TYW1B: variants seen among roughly 807,000 people sequenced by gnomAD.
TYW1B encodes tRNA-yW synthesizing protein 1 homolog B.
In TYW1B, 73 loss-of-function variants were observed where a neutral mutation model predicts 86.9. That is an observed-to-expected ratio of 0.84 (90% CI 0.70 to 1.02). TYW1B has a LOEUF of 1.02. Among genes scored for constraint, TYW1B ranks in the 50% least tolerant of loss-of-function variants. The pLI, the probability that TYW1B is intolerant of heterozygous loss-of-function variation, is 0.00. For synonymous variants in TYW1B, 248 were observed against 292.8 expected (o/e 0.85, Z 1.56); for missense variants, 637 against 827.4 (o/e 0.77, Z 2.82).
In TYW1B at chr7:72,700,155, C is replaced by CTTTTTTT. The variant is rs587689485; in HGVS notation, c.1371-5340_1371-5334dup. Among the ~76,000 whole-genome samples the CTTTTTTT allele has an allele frequency of 3.4e-4, 25 of 74,248 alleles. 2 individuals are homozygous for CTTTTTTT. The highest frequency in any genetic ancestry group is 1.3e-3 in the East Asian group (2 of 1,586). The allele number at this position is 74,248 out of a possible 152,430, so 48.7% of individuals were successfully genotyped here. ...TATCAATACATAAAGAGCTTTTACA[C>CTTTTTTT]TTTTTTTTTTTTTTTTTTTTTTTTT... On this transcript the variant is annotated intron_variant, in intron 10 of 13. Coordinates refer to ENST00000620995, the MANE Select transcript of TYW1B (RefSeq NM_001145440.3).
chr7:72,789,107 A>C (rs1172551149), intron 6 of TYW1B, among the ~76,000 whole-genome samples: 2 of 151,942 alleles, frequency 1.3e-5, no homozygotes, highest in Non-Finnish European at 2.9e-5. Context: ...CTGAGATTAC[A>C]GGAATGAGCC....
At chr7:72,777,712 T>A (rs1257408380) in intron 6 of TYW1B, among the ~76,000 whole-genome samples, 179 bp from the exon 7 acceptor site, 1 of 152,092 alleles carries the variant, frequency 6.6e-6, no homozygotes, top group Admixed American at 6.6e-5. Context: ...GGTCAGGAGA[T>A]CGAGACCAGC....
At chr7:72,585,864 T>C (rs1433000008) in intron 13 of TYW1B, among the ~76,000 whole-genome samples, 8 of 152,146 alleles carry the variant, frequency 5.3e-5, no homozygotes, top group African/African-American at 1.2e-4. Flanking sequence ...CACACTACTA[T>C]AGGCAAGGCA....
rs544556278 is a variant in TYW1B at position 72,644,889 on chromosome 7, G to A, written c.1507-15892C>T. ...GTTACCCAGGCTGGAGTGCAGTGCC[G>A]CGATCTCGGCTCACTGCAACCTCTG... On this transcript the variant is annotated intron_variant, in intron 11 of 13. Coordinates refer to ENST00000620995, the MANE Select transcript of TYW1B (RefSeq NM_001145440.3). 8.5e-5 allele frequency among the ~76,000 whole-genome samples: 12 copies of A among 141,702 alleles called. No individual in the cohort carries two copies. The South Asian group carries it at 9.0e-4, about 11-fold the overall frequency. The allele number at this position is 141,702 out of a possible 152,430, so 93.0% of individuals were successfully genotyped here. A position where few individuals can be genotyped will look rare whatever the true frequency, so the allele number is the denominator to read the frequency against.
chr7:72,653,304 C>A (rs545722698), intron 11 of TYW1B, among the ~76,000 whole-genome samples: 1 of 152,100 alleles, frequency 6.6e-6, no homozygotes, highest in African/African-American at 2.4e-5. Context: ...ACACAAATTA[C>A]CAATATCAAA....
At chr7:72,697,274 C>A (rs2960963) in intron 10 of TYW1B, among the ~76,000 whole-genome samples, 1 of 152,016 alleles carries the variant, frequency 6.6e-6, no homozygotes, top group African/African-American at 2.4e-5. Flanking sequence ...GATACTACTA[C>A]TAAGGAATTC....
intron 13 of TYW1B, among the ~76,000 whole-genome samples, chr7:72,606,238 A>T (rs1811793958): frequency 6.6e-6 from 1 of 152,138 alleles, no homozygotes; most frequent in South Asian, 2.1e-4. Context: ...CTCTCTTAGG[A>T]CAGCAGGAAC....
chr7:72,664,606 G>A (rs183113904), intron 11 of TYW1B, among the ~76,000 whole-genome samples: 1 of 152,268 alleles, frequency 6.6e-6, no homozygotes, highest in African/African-American at 2.4e-5. Context: ...ATCACAGAGT[G>A]GAGAATGGGA....
rs535543817 is a variant in TYW1B, at chr7:72,729,965, G to A, written c.1083-1034C>T. Among the ~76,000 whole-genome samples the A allele has an allele frequency of 3.9e-5, 6 of 152,228 alleles. No individual in the cohort carries two copies. The South Asian group carries it at 8.3e-4, about 21-fold the overall frequency. On this transcript the variant is annotated intron_variant, in intron 8 of 13. Coordinates refer to ENST00000620995, the MANE Select transcript of TYW1B (RefSeq NM_001145440.3). Reference sequence around the variant, plus strand: ...GGCACTCACAGGAACCACAGGCACCGATTATGGCCAAAGAAATCACATGTA... The same window carrying A: ...GGCACTCACAGGAACCACAGGCACCAATTATGGCCAAAGAAATCACATGTA...
At chr7:72,629,397 G>C (rs139566544) in intron 11 of TYW1B, among the ~76,000 whole-genome samples, 1 of 152,294 alleles carries the variant, frequency 6.6e-6, no homozygotes, top group African/African-American at 2.4e-5. Flanking sequence ...TTAGTGACAA[G>C]AATTGTTAGC....
intron 11 of TYW1B, among the ~76,000 whole-genome samples, chr7:72,651,221 A>C (rs1443676616): frequency 6.6e-6 from 1 of 152,198 alleles, no homozygotes; most frequent in Non-Finnish European, 1.5e-5. Flanking sequence ...AACCATTACA[A>C]ATCATGGAAG....
At chr7:72,576,016 G>T (rs1246835572) in intron 13 of TYW1B, among the ~76,000 whole-genome samples, 1 of 149,548 alleles carries the variant, frequency 6.7e-6, no homozygotes, top group African/African-American at 2.5e-5. Flanking sequence ...AAATGTTTCC[G>T]TGTTACCATG....
At chr7:72,711,963 G>A (rs1433564814) in intron 10 of TYW1B, among the ~76,000 whole-genome samples, 3 of 152,040 alleles carry the variant, frequency 2.0e-5, no homozygotes, top group Non-Finnish European at 4.4e-5. Flanking sequence ...TTGACCTCAA[G>A]GAACTTGCAG....
At chr7:72,816,016 G>C (rs1260932543) in intron 2 of TYW1B, among the ~76,000 whole-genome samples, 7 of 151,572 alleles carry the variant, frequency 4.6e-5, no homozygotes, top group African/African-American at 7.3e-5. Context: ...GCCACAGACT[G>C]AGATCCTGTC....
chr7:72,704,602 A>G (rs1218008129), intron 10 of TYW1B, among the ~76,000 whole-genome samples: 1 of 151,536 alleles, frequency 6.6e-6, no homozygotes, highest in Non-Finnish European at 1.5e-5. Context: ...AAAAAAAAAA[A>G]GTCAATCTTA....
At chr7:72,825,470 G>A (rs1303685033) in intron 2 of TYW1B, among the ~76,000 whole-genome samples, 1 of 152,102 alleles carries the variant, frequency 6.6e-6, no homozygotes, top group Admixed American at 6.5e-5. Context: ...CCTGAGCCCA[G>A]GAGTTTGAGA....
intron 11 of TYW1B, among the ~76,000 whole-genome samples, chr7:72,661,499 G>T (rs1164676708): frequency 6.7e-6 from 1 of 148,228 alleles, no homozygotes. Flanking sequence ...AGGAGAATCT[G>T]AAATTTTAGT....
intron 6 of TYW1B, among the ~76,000 whole-genome samples, chr7:72,795,045 CCT>C (rs112645904): frequency 1.4e-4 from 21 of 151,908 alleles, no homozygotes; most frequent in Admixed American, 2.6e-4. Flanking sequence ...GTCTCAAACC[CCT>C]GAGTTTAAGT....
rs575573065 is a variant in TYW1B, at chr7:72,715,252, G to A, written c.1193-1454C>T. On this transcript the variant is annotated intron_variant, in intron 9 of 13. Coordinates refer to ENST00000620995, the MANE Select transcript of TYW1B (RefSeq NM_001145440.3). ...TAGTAGCCACTAGCACACACCACTC[G>A]TTCTGAATCCTAGCTGGACACTGGG... Among the ~76,000 whole-genome samples, 987 of 152,084 alleles carry A rather than the reference G, an allele frequency of 6.5e-3. 4 individuals carry two copies. Among genetic ancestry groups the A allele is most frequent in the Non-Finnish European group, 0.011 (724 of 67,984 alleles).
Sources: gnomAD v4.1 joint callset for allele counts (sites outside exome capture counted in the v4.1 genomes callset) on GRCh38, gnomAD v4.1.1 for gene constraint, MANE v1.5 for transcripts, NCBI Gene and HGNC (gene_info 2026-07-23, HGNC 2026-07-21) for gene names.